The following BBX variants were observed in gnomAD, a reference collection of about 807,000 sequenced individuals.
The protein encoded by BBX is BBX high mobility group box domain containing.
A neutral mutation model predicts 100.2 loss-of-function variants in BBX; 30 were observed. The ratio of observed to expected loss-of-function variants is 0.30; its 90% confidence interval spans 0.22 to 0.41. BBX has a LOEUF of 0.41. Ranked by LOEUF, BBX falls within the 10% of genes least tolerant of loss-of-function variation. The pLI, the probability that BBX is intolerant of heterozygous loss-of-function variation, is 1.00. For synonymous variants in BBX, 376 were observed against 388.1 expected, an observed-to-expected ratio of 0.97 and a Z score of 0.37; for missense variants, 1,023 against 1,129.8, an observed-to-expected ratio of 0.91 and a Z score of 1.35.
rs1161484837 is a variant in BBX, at chr3:107,716,832, A to C, written c.388A>C (p.Thr130Pro). The C allele has an allele frequency of 1.2e-6, 2 of 1,613,556 alleles. No homozygotes were observed. The highest frequency in any genetic ancestry group is 8.5e-7 in the Non-Finnish European group (1 of 1,179,566). The change falls in exon 5 of 18, where the codon ACA becomes CCA. Residue 130 changes from threonine to proline, a missense_variant. Transcript: ENST00000325805. Reference protein sequence around the residue: ...VLDPKEKQKYTDMAKEYKDAF... With the variant: ...VLDPKEKQKYPDMAKEYKDAF... ...TGATCCAAAGGAAAAGCAGAAATAC[A>C]CAGACATGGCCAAGGAGGTAGGTTA...
intron 17 of BBX, among the ~76,000 whole-genome samples, chr3:107,804,136 G>T (rs1465864859): frequency 6.6e-6 from 1 of 151,954 alleles, no homozygotes; most frequent in Non-Finnish European, 1.5e-5. Flanking sequence ...AAAATGTTTT[G>T]CTTTTCTAAA....
At chr3:107,592,179 T>A (rs2053369717) in intron 2 of BBX, among the ~76,000 whole-genome samples, 1 of 151,980 alleles carries the variant, frequency 6.6e-6, no homozygotes, top group Non-Finnish European at 1.5e-5. Flanking sequence ...ACTGTTCCTA[T>A]ATTTTTCTTA....
rs550814280 is a variant in BBX at position 107,648,404 on chromosome 3, A to G, written c.-10+2495A>G. Among the ~76,000 whole-genome samples the G allele has an allele frequency of 4.6e-5, 7 of 152,338 alleles. No homozygotes were observed. The East Asian group carries it at 1.4e-3, about 29-fold the overall frequency. On this transcript the variant is annotated intron_variant, in intron 3 of 17. Transcript: ENST00000325805. ...ACTGGACCCTCTGTAATTTGCATAC[A>G]GAATTAGAGAAAGGAAATATGATAC...
Position 107,573,529 on chromosome 3 carries a change from C to T in BBX, c.-84+47131C>T, listed in dbSNP as rs182980423. On this transcript the variant is annotated intron_variant, in intron 2 of 17. Coordinates refer to ENST00000325805, the MANE Select transcript of BBX (RefSeq NM_001142568.3). Reference sequence around the variant, plus strand: ...CTGATGAGATCACGCCATTGCATTCCAGCCTGGGTGGCAGAGTGAGACTCC... The same window carrying T: ...CTGATGAGATCACGCCATTGCATTCTAGCCTGGGTGGCAGAGTGAGACTCC... 5.3e-5 allele frequency among the ~76,000 whole-genome samples: 8 copies of T among 152,222 alleles called. No homozygotes were observed. The East Asian group carries it at 1.5e-3, about 29-fold the overall frequency.
intron 3 of BBX, among the ~76,000 whole-genome samples, chr3:107,705,534 ATCTT>A (rs1335985341): frequency 5.3e-5 from 8 of 152,194 alleles, no homozygotes; most frequent in Non-Finnish European, 1.2e-4. Context: ...GAAACTCTCC[ATCTT>A]TCTTTTTCAG....
chr3:107,564,815 T>A (rs2050765020), intron 2 of BBX, among the ~76,000 whole-genome samples: 1 of 152,254 alleles, frequency 6.6e-6, no homozygotes, highest in South Asian at 2.1e-4. Context: ...TTTCACAATT[T>A]TTTGGCTATT....
In BBX at chr3:107,755,682, A is replaced by C. The variant is rs1265643479; in HGVS notation, c.906+4A>C. On this transcript the variant is annotated splice_donor_region_variant and intron_variant, in intron 10 of 17. Coordinates refer to ENST00000325805, the MANE Select transcript of BBX (RefSeq NM_001142568.3). ...TGCACTCTTTCAACTGGCAGAGGCA[A>C]GTTCCTAAGAATATATTGAGATAAG... 6 of 1,610,590 alleles carry C rather than the reference A, an allele frequency of 3.7e-6. No homozygotes were observed. The Admixed American group carries it at 5.0e-5, about 13-fold the overall frequency.
At chr3:107,536,959 C>T (rs564353389) in intron 2 of BBX, among the ~76,000 whole-genome samples, 7 of 152,222 alleles carry the variant, frequency 4.6e-5, no homozygotes, top group Non-Finnish European at 8.8e-5. Context: ...CCAGCATAGG[C>T]GCTAGACCTT....
At chr3:107,586,291 A>C (rs2052829887) in intron 2 of BBX, among the ~76,000 whole-genome samples, 1 of 152,226 alleles carries the variant, frequency 6.6e-6, no homozygotes, top group Admixed American at 6.5e-5. Flanking sequence ...ATATTAATCA[A>C]GAATGAACTT....
At chr3:107,788,806 A>G (rs1019597217) in intron 13 of BBX, among the ~76,000 whole-genome samples, 1 of 152,066 alleles carries the variant, frequency 6.6e-6, no homozygotes, top group Non-Finnish European at 1.5e-5. Flanking sequence ...TAAAGACAGA[A>G]TGGAAAGAGA....
intron 2 of BBX, among the ~76,000 whole-genome samples, chr3:107,559,627 T>C (rs891611624): frequency 6.6e-6 from 1 of 152,202 alleles, no homozygotes; most frequent in African/African-American, 2.4e-5. Context: ...CAGGGATGGA[T>C]ATGTAGATTT....
intron 2 of BBX, among the ~76,000 whole-genome samples, chr3:107,627,092 T>C (rs1444100006): frequency 6.6e-6 from 1 of 152,224 alleles, no homozygotes; most frequent in Non-Finnish European, 1.5e-5. Flanking sequence ...TTTTACTGCT[T>C]ACACGGGTCA....
rs1018220749 is a variant in BBX, at chr3:107,808,298, T to G, written c.*2841T>G. The G allele has an allele frequency of 6.6e-6, 1 of 152,218 alleles. No individual in the cohort carries two copies. The highest frequency in any genetic ancestry group is 2.4e-5 in the African/African-American group (1 of 41,458). 9.4% of individuals were successfully genotyped at this position (152,218 alleles called of 1,614,324 possible). On this transcript the variant is annotated 3_prime_UTR_variant, in exon 18 of 18. Transcript: ENST00000325805. ...AAATATGATGCTCTTCTGCTTTGTT[T>G]TATTCTAAATTGTTGTATCATATCT... is the stretch of plus-strand genomic sequence containing the variant.
chr3:107,649,075 G>A (rs749574287), intron 3 of BBX, among the ~76,000 whole-genome samples: 3 of 152,170 alleles, frequency 2.0e-5, no homozygotes, highest in African/African-American at 4.8e-5. Context: ...GGAAAGGCAC[G>A]TCTTACGTGG....
At chr3:107,696,180 C>A (rs61069675) in intron 3 of BBX, among the ~76,000 whole-genome samples, 2,459 of 151,750 alleles carry the variant, frequency 0.016, 123 homozygotes, top group African/African-American at 0.055. Flanking sequence ...TTAATTGGAG[C>A]ATTTAGTCCA....
chr3:107,739,303 TC>T (rs1231803199), intron 7 of BBX, among the ~76,000 whole-genome samples: 1 of 152,204 alleles, frequency 6.6e-6, no homozygotes, highest in Non-Finnish European at 1.5e-5. Flanking sequence ...TACCTGAACC[TC>T]ATCAAAACTT....
At position 107,641,143 on chromosome 3, in the gene BBX, G is replaced by C. The variant is rs1181365217; in HGVS notation, c.-83-4693G>C. Among the ~76,000 whole-genome samples the C allele has an allele frequency of 4.2e-5, 6 of 143,192 alleles. No homozygotes were observed. The East Asian group carries it at 1.3e-3, about 31-fold the overall frequency. The allele number at this position is 143,192 out of a possible 152,430, so 93.9% of individuals were successfully genotyped here. On this transcript the variant is annotated intron_variant, in intron 2 of 17. Transcript: ENST00000325805. ...TCTGTCGCCCAGGCTAGAGTGCAAT[G>C]GCATTACCTAAGCTCACTGCAACCT... is the stretch of plus-strand genomic sequence containing the variant.
intron 2 of BBX, among the ~76,000 whole-genome samples, chr3:107,582,163 T>C (rs1250330518): frequency 6.6e-6 from 1 of 152,052 alleles, no homozygotes; most frequent in Admixed American, 6.6e-5. Context: ...AGTAGAGGTA[T>C]TGTTAAAGTA....
intron 2 of BBX, among the ~76,000 whole-genome samples, chr3:107,619,074 A>G (rs2055531174): frequency 6.6e-6 from 1 of 152,118 alleles, no homozygotes; most frequent in South Asian, 2.1e-4. Flanking sequence ...AGCTCCATCT[A>G]TGCATACACA....
Sources: gnomAD v4.1 joint callset for allele counts (sites outside exome capture counted in the v4.1 genomes callset) on GRCh38, gnomAD v4.1.1 for gene constraint, MANE v1.5 for transcripts, NCBI Gene and HGNC (gene_info 2026-07-23, HGNC 2026-07-21) for gene names.